Variants in TSGA10 observed in about 807,000 individuals in gnomAD.
TSGA10 encodes testis specific 10.
TSGA10 carries 43 observed loss-of-function variants against 96.6 expected under a neutral mutation model. The ratio of observed to expected loss-of-function variants is 0.44; its 90% CI spans 0.35 to 0.57. The LOEUF is 0.57. TSGA10 is among the 20% of genes least tolerant of loss of function. The pLI is 0.01. For missense variants in TSGA10, 703 were observed against 834.4 expected, an observed-to-expected ratio of 0.84 and a Z score of 1.94; for synonymous variants, 229 against 269.9, an observed-to-expected ratio of 0.85 and a Z score of 1.48.
At chr2:99,004,281 G>C (rs10153845) in intron 20 of TSGA10, among the ~76,000 whole-genome samples, 53,160 of 151,742 alleles carry the variant, frequency 0.35, 10,606 homozygotes, top group African/African-American at 0.55. Context: ...ACCAATAACA[G>C]GCTCTGAAAT....
At position 99,108,879 on chromosome 2, in the gene TSGA10, T is replaced by A; in HGVS notation, c.164A>T (p.Lys55Met). 6.3e-7 allele frequency: 1 copy of A among 1,598,346 alleles called. No homozygotes were observed. Among genetic ancestry groups the A allele is most frequent in the Non-Finnish European group, 8.5e-7 (1 of 1,175,622 alleles). The change falls in exon 7 of 21, where the codon AAG becomes ATG. Residue 55 changes from lysine to methionine, a missense_variant. By Grantham distance (95) the Lys-to-Met change is moderately conservative. Coordinates refer to ENST00000393483, the MANE Select transcript of TSGA10 (RefSeq NM_025244.4). The stretch of plus-strand genomic sequence containing the variant: ...CTTGTCTCTCTCAGATTTAAGAACC[T>A]TGACATTACCCTGAATTTCTGCCAA... Reference protein sequence around the residue: ...RHLAEIQGNVKVLKSERDKIF... With the variant: ...RHLAEIQGNVMVLKSERDKIF...
intron 10 of TSGA10, among the ~76,000 whole-genome samples, chr2:99,083,012 T>A (rs2087723717): frequency 6.6e-6 from 1 of 151,700 alleles, no homozygotes. Context: ...AAAAAACAGA[T>A]CAGAGGTCCT....
chr2:99,092,589 A>C lies in TSGA10; in HGVS notation c.612-11192T>G, dbSNP rs528681856. On this transcript the variant is annotated intron_variant, in intron 10 of 20. Coordinates refer to ENST00000393483, the MANE Select transcript of TSGA10 (RefSeq NM_025244.4). ...AGCTCAATTAGAAATGAAATGGGAG[A>C]TATTACAACTGACATCACAGAAATA... Among the ~76,000 whole-genome samples, 35 of 152,252 alleles carry C rather than the reference A, an allele frequency of 2.3e-4. No homozygotes were observed. The East Asian group carries it at 4.4e-3, about 19-fold the overall frequency.
chr2:99,041,328 G>A (rs749204506), intron 16 of TSGA10, among the ~76,000 whole-genome samples: 1 of 152,158 alleles, frequency 6.6e-6, no homozygotes, highest in Non-Finnish European at 1.5e-5. Flanking sequence ...ATGTTCAAGT[G>A]CTATTTCTTT....
chr2:99,073,671 AGAAAT>A (rs1357127608), intron 12 of TSGA10, among the ~76,000 whole-genome samples: 1 of 152,202 alleles, frequency 6.6e-6, no homozygotes, highest in African/African-American at 2.4e-5. Flanking sequence ...CAAAGGTAAG[AGAAAT>A]AAACTATATT....
rs1331269422 is a variant in TSGA10 at position 98,997,547 on chromosome 2, C to A, written c.*650G>T. ...AAGATTTTTAATAAAATCTTACATT[C>A]TTGACAGATATACCATCACCTACCT... On this transcript the variant is annotated 3_prime_UTR_variant, in exon 21 of 21. Transcript: ENST00000393483. The A allele has an allele frequency of 2.0e-5, 3 of 152,180 alleles. No individual in the cohort carries two copies. Among genetic ancestry groups the A allele is most frequent in the African/African-American group, 7.2e-5 (3 of 41,548 alleles). 9.4% of individuals were successfully genotyped at this position (152,180 alleles called of 1,614,324 possible). A position where few individuals can be genotyped will look rare whatever the true frequency, so the allele number is the denominator to read the frequency against.
chr2:99,134,469 A>T, intron 1 of TSGA10, among the ~76,000 whole-genome samples: 1 of 152,162 alleles, frequency 6.6e-6, no homozygotes, highest in Non-Finnish European at 1.5e-5. Context: ...TATTCTAGTT[A>T]GCAATTCCTC....
chr2:98,998,286 T>A, intron 20 of TSGA10, 65 bp from the exon 21 acceptor site: 1 of 1,351,302 alleles, frequency 7.4e-7, no homozygotes, highest in South Asian at 1.3e-5. Flanking sequence ...GTGTAACAAA[T>A]TTATTCTAGT....
intron 4 of TSGA10, among the ~76,000 whole-genome samples, chr2:99,111,787 A>T (rs1462797806): frequency 1.3e-5 from 2 of 152,150 alleles, no homozygotes; most frequent in Non-Finnish European, 2.9e-5. Context: ...TCAATGTTTT[A>T]ATGTATACTA....
chr2:99,112,191 T>C (rs1192353280), intron 4 of TSGA10, among the ~76,000 whole-genome samples: 2 of 152,158 alleles, frequency 1.3e-5, no homozygotes, highest in African/African-American at 2.4e-5. Flanking sequence ...CTGCCTGCCA[T>C]TGTGTTATGT....
chr2:99,023,092 C>A (rs1442475470), intron 17 of TSGA10, among the ~76,000 whole-genome samples: 1 of 152,160 alleles, frequency 6.6e-6, no homozygotes. Context: ...ATGAAGATGG[C>A]TCACTGAAGT....
chr2:99,109,762 A>C (rs927720976), intron 5 of TSGA10, among the ~76,000 whole-genome samples: 1 of 152,220 alleles, frequency 6.6e-6, no homozygotes, highest in African/African-American at 2.4e-5. Context: ...CTATATTTTA[A>C]CTGAAAGATA....
intron 1 of TSGA10, chr2:99,141,006 C>T: frequency 8.9e-7 from 1 of 1,122,922 alleles, no homozygotes; most frequent in Non-Finnish European, 1.1e-6. Flanking sequence ...CTCCTGCCCG[C>T]TTGCAGCCGC....
chr2:99,013,729 CTT>C (rs1041397488), intron 20 of TSGA10, among the ~76,000 whole-genome samples: 18 of 152,060 alleles, frequency 1.2e-4, no homozygotes, highest in Admixed American at 9.2e-4. Context: ...ATAATCTGCT[CTT>C]GAGGCTGGCT....
intron 4 of TSGA10, among the ~76,000 whole-genome samples, chr2:99,111,700 CAAGTG>C (rs1488639134): frequency 6.6e-6 from 1 of 152,074 alleles, no homozygotes; most frequent in Non-Finnish European, 1.5e-5. Flanking sequence ...GTTTTTCTCA[CAAGTG>C]AAGTACTTAG....
chr2:99,061,977 A>T (rs901992720), intron 16 of TSGA10, among the ~76,000 whole-genome samples: 2 of 152,242 alleles, frequency 1.3e-5, no homozygotes, highest in Non-Finnish European at 2.9e-5. Flanking sequence ...TTTGCAGACC[A>T]AGGAGAGAAG....
At chr2:99,134,348 C>A (rs992715050) in intron 1 of TSGA10, among the ~76,000 whole-genome samples, 1 of 151,940 alleles carries the variant, frequency 6.6e-6, no homozygotes, top group Non-Finnish European at 1.5e-5. Flanking sequence ...AATCTCATAG[C>A]CTTTCTTCCA....
In TSGA10 at chr2:99,000,528, A is replaced by G. The variant is rs142582034; in HGVS notation, c.2073-2307T>C. On this transcript the variant is annotated intron_variant, in intron 20 of 20. Coordinates refer to ENST00000393483, the MANE Select transcript of TSGA10 (RefSeq NM_025244.4). ...TCTGACTTAAAAAAAAAAAAAAAAA[A>G]GGGGATCGTTCCAAGATGGTCGAAT... Among the ~76,000 whole-genome samples the G allele has an allele frequency of 1.9e-3, 279 of 149,646 alleles. 1 individual carries two copies. Among genetic ancestry groups the G allele is most frequent in the South Asian group, 0.012 (58 of 4,712 alleles).
chr2:99,058,689 T>C (rs557647434), intron 16 of TSGA10, among the ~76,000 whole-genome samples: 1 of 152,174 alleles, frequency 6.6e-6, no homozygotes, highest in Admixed American at 6.5e-5. Context: ...ATTTGACAAC[T>C]TAGATGAAAT....
Sources: gnomAD v4.1 joint callset for allele counts (sites outside exome capture counted in the v4.1 genomes callset) on GRCh38, gnomAD v4.1.1 for gene constraint, MANE v1.5 for transcripts, NCBI Gene and HGNC (gene_info 2026-07-23, HGNC 2026-07-21) for gene names.